The following MTFR1 variants were observed in gnomAD, a reference collection of about 807,000 sequenced individuals.
MTFR1 encodes chondrocyte protein with a poly-proline region.
Under a neutral mutation model 38.8 loss-of-function variants are expected in MTFR1, and 28 were observed. That is an observed-to-expected ratio of 0.72 (90% CI 0.53 to 0.99). The LOEUF (loss-of-function observed/expected upper bound fraction) is 0.99. MTFR1 is among the 50% of genes least tolerant of loss of function. The pLI, the probability that MTFR1 is intolerant of heterozygous loss-of-function variation, is 0.00. For missense variants in MTFR1, 358 were observed against 395.5 expected (o/e 0.91, Z 0.81); for synonymous variants, 145 against 137.0 (o/e 1.06, Z -0.41).
At chr8:65,645,785 T>A (rs1231855317) in intron 1 of MTFR1, among the ~76,000 whole-genome samples, 1 of 149,094 alleles carries the variant, frequency 6.7e-6, no homozygotes, top group East Asian at 2.0e-4. Flanking sequence ...CTCCTTGGCC[T>A]CCCAAAGTGT....
At chr8:65,699,019 C>T (rs1164028785) in intron 4 of MTFR1, among the ~76,000 whole-genome samples, 8 of 152,166 alleles carry the variant, frequency 5.3e-5, no homozygotes, top group Admixed American at 3.3e-4. Flanking sequence ...TGAGCTACTG[C>T]GCCCAGCCGT....
chr8:65,647,974 A>G (rs966440750), intron 1 of MTFR1, among the ~76,000 whole-genome samples: 1 of 151,812 alleles, frequency 6.6e-6, no homozygotes, highest in Non-Finnish European at 1.5e-5. Context: ...TACTATGCCT[A>G]TTTTTCCATT....
rs963359093 is a variant in MTFR1 at position 65,709,539 on chromosome 8, T to C, written c.*495T>C. 1.3e-5 allele frequency: 2 copies of C among 153,190 alleles called. No individual in the cohort carries two copies. The highest frequency in any genetic ancestry group is 4.8e-5 in the African/African-American group (2 of 41,474). The allele number at this position is 153,190 out of a possible 1,614,324, so 9.5% of individuals were successfully genotyped here. ...GGAACAGCTGGTATAACATAAGTTG[T>C]TGGCATGAAATATTTGAGATTGGAA... On this transcript the variant is annotated 3_prime_UTR_variant, in exon 8 of 8. Transcript: ENST00000262146.
intron 2 of MTFR1, among the ~76,000 whole-genome samples, chr8:65,676,828 A>G (rs1804721234): frequency 6.6e-6 from 1 of 152,192 alleles, no homozygotes; most frequent in Non-Finnish European, 1.5e-5. Context: ...TTCCAGCCTC[A>G]CACGTCAACA....
intron 7 of MTFR1, among the ~76,000 whole-genome samples, chr8:65,708,580 T>A (rs1437051671): frequency 6.6e-6 from 1 of 152,204 alleles, no homozygotes; most frequent in Non-Finnish European, 1.5e-5. Context: ...TTATTAACAT[T>A]ACTGTCCTGG....
At chr8:65,695,866 T>C (rs1315010587) in intron 4 of MTFR1, among the ~76,000 whole-genome samples, 1 of 152,142 alleles carries the variant, frequency 6.6e-6, no homozygotes, top group Non-Finnish European at 1.5e-5. Context: ...AAGAAGCATG[T>C]ATAGAACGTG....
At chr8:65,647,772 C>A (rs779131176) in intron 1 of MTFR1, among the ~76,000 whole-genome samples, 1 of 148,940 alleles carries the variant, frequency 6.7e-6, no homozygotes, top group African/African-American at 2.5e-5. Flanking sequence ...TTATTAGATA[C>A]TATTGATAGA....
At chr8:65,665,179 C>G (rs1439666879) in intron 1 of MTFR1, among the ~76,000 whole-genome samples, 1 of 151,982 alleles carries the variant, frequency 6.6e-6, no homozygotes, top group African/African-American at 2.4e-5. Context: ...ATAATCCGCC[C>G]ACCTCAGCCT....
At chr8:65,652,530 AC>A (rs1369059661) in intron 1 of MTFR1, among the ~76,000 whole-genome samples, 2 of 152,050 alleles carry the variant, frequency 1.3e-5, no homozygotes, top group Non-Finnish European at 2.9e-5. Context: ...CACCACCCTG[AC>A]CCTCTTAAAT....
chr8:65,713,859 T>A (rs567211000), downstream of MTFR1, among the ~76,000 whole-genome samples: 1 of 148,104 alleles, frequency 6.8e-6, no homozygotes, highest in African/African-American at 2.4e-5. Context: ...AATTTTTGTA[T>A]TTTTTTTTAG....
chr8:65,723,560 A>C (rs1372153863), intron 3 of MTFR1: 1 of 1,580,972 alleles, frequency 6.3e-7, no homozygotes. Flanking sequence ...TGTTGGCAAT[A>C]GATTCAGTGT....
At chr8:65,682,927 CAG>C in intron 3 of MTFR1, 1 of 985,054 alleles carries the variant, frequency 1.0e-6, no homozygotes. Flanking sequence ...TTGGCAATGA[CAG>C]TGTCAAGACA....
intron 3 of MTFR1, among the ~76,000 whole-genome samples, chr8:65,758,411 A>G (rs1466803712): frequency 6.6e-6 from 1 of 152,232 alleles, no homozygotes; most frequent in Non-Finnish European, 1.5e-5. Flanking sequence ...GGGAAGAAAG[A>G]AAAAAACTAC....
upstream of MTFR1, among the ~76,000 whole-genome samples, chr8:65,644,153 CTAGAG>C (rs373592765): frequency 2.6e-5 from 4 of 152,222 alleles, no homozygotes; most frequent in African/African-American, 9.6e-5. Context: ...CCAGAGTGTC[CTAGAG>C]TATTCAAATC....
intron 2 of MTFR1, chr8:65,719,106 G>A (rs997507716): frequency 4.9e-5 from 29 of 593,816 alleles, no homozygotes; most frequent in Non-Finnish European, 7.2e-5. Context: ...CTGTATGTTC[G>A]GGTCTTGCAA....
intron 3 of MTFR1, among the ~76,000 whole-genome samples, chr8:65,751,619 A>G (rs958634045): frequency 2.6e-5 from 4 of 152,222 alleles, no homozygotes; most frequent in African/African-American, 7.2e-5. Flanking sequence ...CAGCCTCTCA[A>G]GTAGCTAGGA....
intron 1 of MTFR1, among the ~76,000 whole-genome samples, chr8:65,648,345 A>G (rs1277451088): frequency 6.6e-6 from 1 of 152,072 alleles, no homozygotes; most frequent in Non-Finnish European, 1.5e-5. Flanking sequence ...CAAGCACTTT[A>G]TATTCATTAG....
chr8:65,759,841 C>G (rs1474138602), intron 3 of MTFR1, among the ~76,000 whole-genome samples: 1 of 151,872 alleles, frequency 6.6e-6, no homozygotes, highest in African/African-American at 2.4e-5. Flanking sequence ...ATTGTTAACA[C>G]CCCACCCTGG....
At chr8:65,706,204 A>T (rs533748484) in intron 5 of MTFR1, among the ~76,000 whole-genome samples, 51 of 152,142 alleles carry the variant, frequency 3.4e-4, no homozygotes, top group Non-Finnish European at 6.9e-4. Flanking sequence ...CTTGTCTTAA[A>T]TTGATTTTTC....
Sources: allele counts gnomAD v4.1 joint callset (sites outside exome capture counted in the v4.1 genomes callset), GRCh38; gene constraint gnomAD v4.1.1; transcripts MANE v1.5; gene names NCBI Gene and HGNC (gene_info 2026-07-23, HGNC 2026-07-21).